Variants in PLD5 observed in about 807,000 individuals in gnomAD.
PLD5 encodes inactive phospholipase D5.
A neutral mutation model predicts 61.1 loss-of-function variants in PLD5; 36 were observed. That is an observed-to-expected ratio of 0.59 (90% CI 0.45 to 0.78). The LOEUF is 0.78. Among genes scored for constraint, PLD5 ranks in the 30% least tolerant of loss-of-function variants. The pLI, the probability that PLD5 is intolerant of heterozygous loss-of-function variation, is 0.00. For missense variants in PLD5, 515 were observed against 644.4 expected, an observed-to-expected ratio of 0.80 and a Z score of 2.17; for synonymous variants, 243 against 242.8, an observed-to-expected ratio of 1.00 and a Z score of -0.01.
intron 1 of PLD5, among the ~76,000 whole-genome samples, chr1:242,515,412 C>T (rs1669073911): frequency 6.6e-6 from 1 of 152,104 alleles, no homozygotes; most frequent in Non-Finnish European, 1.5e-5. Flanking sequence ...GAGGTTTCAC[C>T]ATGTTGGTCA....
At chr1:242,366,112 A>T (rs973236778) in intron 1 of PLD5, among the ~76,000 whole-genome samples, 4 of 152,232 alleles carry the variant, frequency 2.6e-5, no homozygotes, top group African/African-American at 9.6e-5. Context: ...TATTGATACA[A>T]GAAGCAGACA....
chr1:242,110,104 T>C (rs1038924590), intron 7 of PLD5, among the ~76,000 whole-genome samples: 4 of 145,222 alleles, frequency 2.8e-5, no homozygotes, highest in Non-Finnish European at 4.5e-5. Context: ...TATTATATTA[T>C]CATAAAGGCC....
chr1:242,453,614 T>C (rs1235740780), intron 1 of PLD5, among the ~76,000 whole-genome samples: 1 of 152,152 alleles, frequency 6.6e-6, no homozygotes, highest in Non-Finnish European at 1.5e-5. Context: ...TACCTGCCAT[T>C]CCAAAAAGGT....
At chr1:242,394,067 CAT>C (rs1162018302) in intron 1 of PLD5, among the ~76,000 whole-genome samples, 53 of 66,498 alleles carry the variant, frequency 8.0e-4, no homozygotes, top group African/African-American at 2.7e-3. Flanking sequence ...CAAAAAAAAA[CAT>C]ATATATATAT....
rs528913146 is a variant in PLD5 at position 242,425,557 on chromosome 1, A to G, written c.190-77315T>C. 6.6e-5 allele frequency among the ~76,000 whole-genome samples: 10 copies of G among 152,218 alleles called. No homozygotes were observed. In the South Asian group the frequency reaches 2.1e-3, roughly 32 times the overall value. On this transcript the variant is annotated intron_variant, in intron 1 of 9. Coordinates refer to ENST00000536534, the MANE Select transcript of PLD5 (RefSeq NM_001372062.1). ...CTGTATACTACTATAGACTTTATAA[A>G]TACTATATGCTTAGGCTACACTACA... is the stretch of plus-strand genomic sequence containing the variant.
At chr1:242,160,008 TC>T (rs946964795) in intron 5 of PLD5, among the ~76,000 whole-genome samples, 1 of 151,678 alleles carries the variant, frequency 6.6e-6, no homozygotes, top group Admixed American at 6.7e-5. Flanking sequence ...TCTTTTTTTT[TC>T]CCTTTTATTT....
chr1:242,121,859 C>T (rs577939136), intron 6 of PLD5, among the ~76,000 whole-genome samples: 1 of 147,132 alleles, frequency 6.8e-6, no homozygotes, highest in South Asian at 2.1e-4. Context: ...CCAAACACCG[C>T]ATGTTCTTAC....
upstream of PLD5, among the ~76,000 whole-genome samples, chr1:242,526,100 A>C (rs1669439203): frequency 6.6e-6 from 1 of 152,192 alleles, no homozygotes; most frequent in Non-Finnish European, 1.5e-5. Context: ...AAGGATATGA[A>C]CCAGATTGAA....
At chr1:242,262,305 C>T (rs1486174631) in intron 4 of PLD5, among the ~76,000 whole-genome samples, 1 of 152,166 alleles carries the variant, frequency 6.6e-6, no homozygotes, top group Non-Finnish European at 1.5e-5. Context: ...GCGGAGGGCA[C>T]TGACTGCAAG....
intron 2 of PLD5, among the ~76,000 whole-genome samples, chr1:242,337,953 A>G (rs563890013): frequency 7.2e-5 from 11 of 152,068 alleles, no homozygotes; most frequent in Non-Finnish European, 1.3e-4. Context: ...GCTTGCTACC[A>G]TGGCTTTTAG....
chr1:242,235,036 T>C (rs1671549958), intron 4 of PLD5, among the ~76,000 whole-genome samples: 1 of 152,188 alleles, frequency 6.6e-6, no homozygotes, highest in East Asian at 1.9e-4. Flanking sequence ...TGTTATAGAG[T>C]TTCGTGAGCT....
At chr1:242,243,086 A>G (rs372982) in intron 4 of PLD5, among the ~76,000 whole-genome samples, 144,446 of 152,298 alleles carry the variant, frequency 0.95, 68,976 homozygotes, top group Non-Finnish European at 1. Context: ...CAGTAAAAAT[A>G]AGGAAAGGAG....
intron 5 of PLD5, chr1:242,178,163 C>T (rs536490820): frequency 3.3e-5 from 5 of 152,354 alleles, no homozygotes; most frequent in African/African-American, 9.6e-5. Flanking sequence ...TATCTTCACC[C>T]AGTCTCTATG....
chr1:242,327,402 C>A (rs1658866731), intron 2 of PLD5, among the ~76,000 whole-genome samples: 1 of 152,136 alleles, frequency 6.6e-6, no homozygotes, highest in Non-Finnish European at 1.5e-5. Context: ...AATATTTTGA[C>A]AATATAGAGT....
intron 5 of PLD5, among the ~76,000 whole-genome samples, chr1:242,215,584 A>T (rs1670132494): frequency 6.6e-6 from 1 of 152,168 alleles, no homozygotes; most frequent in Non-Finnish European, 1.5e-5. Context: ...CAAATGAATT[A>T]TTAACATGGG....
chr1:242,108,621 T>G (rs1661247399), intron 7 of PLD5, among the ~76,000 whole-genome samples: 2 of 152,332 alleles, frequency 1.3e-5, no homozygotes, highest in Non-Finnish European at 2.9e-5. Flanking sequence ...TTAATTCTTA[T>G]GTTAAAACAA....
intron 4 of PLD5, among the ~76,000 whole-genome samples, chr1:242,247,371 A>G (rs1164096355): frequency 1.3e-5 from 2 of 152,180 alleles, no homozygotes; most frequent in Non-Finnish European, 2.9e-5. Flanking sequence ...AAGAGAAGGG[A>G]GTCTGCTGTC....
At chr1:242,317,175 G>A (rs577818935) in intron 2 of PLD5, among the ~76,000 whole-genome samples, 2 of 151,940 alleles carry the variant, frequency 1.3e-5, no homozygotes, top group South Asian at 2.1e-4. Context: ...CACCATGCTC[G>A]GCTAATTTTT....
Position 242,133,471 on chromosome 1 carries a change from T to C in PLD5, c.736-8806A>G, listed in dbSNP as rs1338480616. On this transcript the variant is annotated intron_variant, in intron 5 of 9. Transcript: ENST00000536534. Reference sequence around the variant, plus strand: ...ATCTGTCATTTTTCTTTCATTGCTTTGTTTGCGCATTTTGTCCAATTCTTT... The same window carrying C: ...ATCTGTCATTTTTCTTTCATTGCTTCGTTTGCGCATTTTGTCCAATTCTTT... Among the ~76,000 whole-genome samples, 5 of 152,208 alleles carry C rather than the reference T, an allele frequency of 3.3e-5. No homozygotes were observed. In the East Asian group the frequency reaches 9.6e-4, roughly 29 times the overall value.
Sources: allele counts gnomAD v4.1 joint callset (sites outside exome capture counted in the v4.1 genomes callset), GRCh38; gene constraint gnomAD v4.1.1; transcripts MANE v1.5; gene names NCBI Gene and HGNC (gene_info 2026-07-23, HGNC 2026-07-21).